Variants in PPIL2 observed in about 807,000 individuals in gnomAD.
The protein encoded by PPIL2 is RING-type E3 ubiquitin-protein ligase PPIL2.
Under a neutral mutation model 75.2 loss-of-function variants are expected in PPIL2, and 50 were observed. That is an observed-to-expected ratio of 0.66 (90% CI 0.53 to 0.84). The LOEUF (loss-of-function observed/expected upper bound fraction) is 0.84. Ranked by LOEUF, PPIL2 falls within the 40% of genes least tolerant of loss-of-function variation. The pLI, the probability that PPIL2 is intolerant of heterozygous loss-of-function variation, is 0.00. For missense variants in PPIL2, 590 were observed against 685.0 expected (o/e 0.86, Z 1.55); for synonymous variants, 245 against 258.8 (o/e 0.95, Z 0.51).
intron 9 of PPIL2, among the ~76,000 whole-genome samples, chr22:21,684,324 C>T (rs1241056477): frequency 2.4e-5 from 1 of 41,068 alleles, no homozygotes; most frequent in East Asian, 4.0e-4. Flanking sequence ...TGGTGGCGGG[C>T]GCCTGTAGTC....
In PPIL2 at chr22:21,695,679, C is replaced by T; in HGVS notation, c.*189C>T. On this transcript the variant is annotated 3_prime_UTR_variant, in exon 20 of 20. Transcript: ENST00000398831. The stretch of plus-strand genomic sequence containing the variant: ...CATCCCTTAACCTGTTGCCAAGGGC[C>T]TTGGCCCTGTTTCCAGGACCTGGCC... The T allele has an allele frequency of 1.4e-6, 2 of 1,397,830 alleles. No homozygotes were observed. Among genetic ancestry groups the T allele is most frequent in the Non-Finnish European group, 1.9e-6 (2 of 1,076,048 alleles). 86.6% of individuals were successfully genotyped at this position (1,397,830 alleles called of 1,614,324 possible). A position where few individuals can be genotyped will look rare whatever the true frequency, so the allele number is the denominator to read the frequency against.
intron 6 of PPIL2, among the ~76,000 whole-genome samples, chr22:21,680,090 C>CAA (rs558080959): frequency 1.6e-5 from 2 of 122,994 alleles, no homozygotes; most frequent in Non-Finnish European, 1.8e-5. Flanking sequence ...GACTCTGTCT[C>CAA]AAAAAAAAAA....
chr22:21,669,916 C>G lies in PPIL2; in HGVS notation c.36C>G (p.Tyr12Ter). Residue 12 changes from tyrosine to a stop codon, truncating the protein, a stop_gained, in exon 2 of 20, where the codon TAC becomes TAG. Transcript: ENST00000398831. LOFTEE classifies it high-confidence loss of function. ...ATTATCTTCCTCTCTTCTTCAGGTA[C>G]ATTACCTGTGCTGAATACACTCACT... ...GKRQHQKDKM[Y>*]ITCAEYTHFY... 1 of 1,613,742 alleles carries G rather than the reference C, an allele frequency of 6.2e-7. No individual in the cohort carries two copies. The highest frequency in any genetic ancestry group is 8.5e-7 in the Non-Finnish European group (1 of 1,179,618).
chr22:21,691,373 T>C (rs1303179319), intron 15 of PPIL2, among the ~76,000 whole-genome samples: 8 of 152,134 alleles, frequency 5.3e-5, no homozygotes, highest in Non-Finnish European at 1.2e-4. Context: ...TTTGTGATTC[T>C]TGTAATTAAA....
downstream of PPIL2, chr22:21,698,778 C>G (rs993406838): frequency 6.6e-6 from 1 of 152,418 alleles, no homozygotes; most frequent in Non-Finnish European, 1.5e-5. Flanking sequence ...CAGCAAGAGC[C>G]CTGCAGCGTG....
At chr22:21,688,329 T>A (rs1316100548) in intron 14 of PPIL2, among the ~76,000 whole-genome samples, 1 of 152,124 alleles carries the variant, frequency 6.6e-6, no homozygotes, top group Admixed American at 6.5e-5. Context: ...GAGTGTGTGG[T>A]CTCTTCCCTG....
At chr22:21,675,599 G>C (rs1001182489) in intron 6 of PPIL2, among the ~76,000 whole-genome samples, 8 of 152,210 alleles carry the variant, frequency 5.3e-5, no homozygotes, top group African/African-American at 1.9e-4. Context: ...GGGGGAGGTT[G>C]GGGGCAGAAC....
Position 21,696,554 on chromosome 22 carries a change from C to T in PPIL2, c.*1064C>T. ...TTCTGTTAAATGTGCCCCTGGCTGGCTTTTTCTTCGTCTTCAGCCCAGGCC... is the reference window on the plus strand; with the variant it reads ...TTCTGTTAAATGTGCCCCTGGCTGGTTTTTTCTTCGTCTTCAGCCCAGGCC... On this transcript the variant is annotated 3_prime_UTR_variant, in exon 20 of 20. Transcript: ENST00000398831. The T allele has an allele frequency of 7.2e-7, 1 of 1,386,952 alleles. No homozygotes were observed. The allele number at this position is 1,386,952 out of a possible 1,614,324, so 85.9% of individuals were successfully genotyped here. A position where few individuals can be genotyped will look rare whatever the true frequency, so the allele number is the denominator to read the frequency against.
intron 3 of PPIL2, 170 bp from the exon 4 acceptor site, chr22:21,670,827 C>A: frequency 1.2e-6 from 1 of 857,134 alleles, no homozygotes; most frequent in Non-Finnish European, 1.9e-6. Context: ...AGGGGTGGCA[C>A]AAACACTATT....
intron 10 of PPIL2, 123 bp downstream of exon 10, chr22:21,685,036 A>G (rs2067299193): frequency 1.5e-6 from 2 of 1,329,142 alleles, no homozygotes; most frequent in Admixed American, 5.1e-5. Context: ...GGAGGCAGCC[A>G]GGATCCCCCA....
Position 21,697,446 on chromosome 22 carries a change from C to A in PPIL2, c.*1956C>A. On this transcript the variant is annotated 3_prime_UTR_variant, in exon 20 of 20. Transcript: ENST00000398831. ...TCCTTGGCTCCAGAGCTCGAAGACC[C>A]CAAGACAGCCCTCTGCTCTCAGCGG... The A allele has an allele frequency of 5.5e-6, 1 of 180,732 alleles. No homozygotes were observed. The highest frequency in any genetic ancestry group is 1.2e-4 in the South Asian group (1 of 8,296). The allele number at this position is 180,732 out of a possible 1,614,324, so 11.2% of individuals were successfully genotyped here.
chr22:21,671,131 G>C, intron 4 of PPIL2, 72 bp downstream of exon 4: 1 of 1,443,672 alleles, frequency 6.9e-7, no homozygotes, highest in East Asian at 2.3e-5. Context: ...GGGACCCTTG[G>C]TACCCTTGGG....
intron 6 of PPIL2, among the ~76,000 whole-genome samples, chr22:21,676,341 T>TGTGTGTGTG (rs1203165788): frequency 9.2e-5 from 4 of 43,316 alleles, no homozygotes; most frequent in African/African-American, 1.5e-4. Flanking sequence ...GTGTGTGTGT[T>TGTGTGTGTG]ATTGTTTATT....
intron 6 of PPIL2, among the ~76,000 whole-genome samples, chr22:21,678,510 C>T (rs978834244): frequency 1.1e-4 from 16 of 151,988 alleles, no homozygotes; most frequent in South Asian, 4.2e-4. Flanking sequence ...GGATTACAGG[C>T]GTGAGCCACT....
At position 21,682,545 on chromosome 22, in the gene PPIL2, C is replaced by T; in HGVS notation, c.477+19C>T. On this transcript the variant is annotated intron_variant, in intron 8 of 19. Coordinates refer to ENST00000398831, the MANE Select transcript of PPIL2 (RefSeq NM_014337.4). Reference sequence around the variant, plus strand: ...CCTCCAGGTGAGTGTCCCCTGCCTGCCTGCCCCAGCTGCCTTCAGCACCTG... The same window carrying T: ...CCTCCAGGTGAGTGTCCCCTGCCTGTCTGCCCCAGCTGCCTTCAGCACCTG... 1 of 1,601,710 alleles carries T rather than the reference C, an allele frequency of 6.2e-7. No homozygotes were observed.
intron 12 of PPIL2, 151 bp downstream of exon 12, chr22:21,687,149 C>T (rs436496): frequency 0.35 from 262,685 of 740,692 alleles, 48,720 homozygotes; most frequent in East Asian, 0.45. Context: ...TGCCCTGTGT[C>T]CTTCCTAGGG....
intron 6 of PPIL2, among the ~76,000 whole-genome samples, chr22:21,676,062 G>A (rs2066829385): frequency 6.6e-6 from 1 of 152,208 alleles, no homozygotes; most frequent in African/African-American, 2.4e-5. Context: ...GGGAGATGCT[G>A]TAGCACCTGA....
At chr22:21,695,212 G>A (rs915964928) in intron 19 of PPIL2, 142 bp downstream of exon 19, 25 of 1,360,858 alleles carry the variant, frequency 1.8e-5, no homozygotes, top group South Asian at 8.9e-5. Context: ...CTCTGCAGCC[G>A]AGGGACTGCC....
At chr22:21,699,166 A>AG (rs1192874117), downstream of PPIL2, 2 of 152,536 alleles carry the variant, frequency 1.3e-5, no homozygotes, top group Admixed American at 1.3e-4. Context: ...GTCTGGGTTT[A>AG]GGAAGGGCTG....
Sources: allele counts gnomAD v4.1 joint callset (sites outside exome capture counted in the v4.1 genomes callset), GRCh38; gene constraint gnomAD v4.1.1; transcripts MANE v1.5; gene names NCBI Gene and HGNC (gene_info 2026-07-23, HGNC 2026-07-21).